GALNT13: variants seen among roughly 807,000 people sequenced by gnomAD.
GALNT13 encodes UDP-GalNAc:polypeptide N-acetylgalactosaminyltransferase 13.
A neutral mutation model predicts 64.2 loss-of-function variants in GALNT13; 28 were observed. The ratio of observed to expected loss-of-function variants is 0.44; its 90% CI spans 0.32 to 0.60. The LOEUF is 0.60. GALNT13 is among the 20% of genes least tolerant of loss of function. The pLI is 0.05. For missense variants in GALNT13, 577 were observed against 669.8 expected, an observed-to-expected ratio of 0.86 and a Z score of 1.53; for synonymous variants, 214 against 224.6, an observed-to-expected ratio of 0.95 and a Z score of 0.42.
intron 9 of GALNT13, among the ~76,000 whole-genome samples, chr2:154,362,722 A>T (rs1697145374): frequency 6.6e-6 from 1 of 152,206 alleles, no homozygotes; most frequent in African/African-American, 2.4e-5. Flanking sequence ...TAAGTTTTGC[A>T]TAACTGCTAT....
chr2:153,923,857 G>A (rs923720884), intron 2 of GALNT13, among the ~76,000 whole-genome samples: 1 of 151,752 alleles, frequency 6.6e-6, no homozygotes, highest in African/African-American at 2.4e-5. Context: ...ATGTCCCTAC[G>A]AAGGACATGA....
At chr2:153,313,681 G>A in the GALNT13 span, among the ~76,000 whole-genome samples, 6 of 152,060 alleles carry the variant, frequency 3.9e-5, no homozygotes, top group South Asian at 2.1e-4. Flanking sequence ...ACCTGCACAC[G>A]TACCTCTGAA....
chr2:153,077,650 C>G, the GALNT13 span, among the ~76,000 whole-genome samples: 2 of 151,676 alleles, frequency 1.3e-5, no homozygotes, highest in African/African-American at 4.8e-5. Context: ...CAGAAATGAC[C>G]CAAGTTAAGT....
At chr2:153,576,307 C>T in the GALNT13 span, among the ~76,000 whole-genome samples, 1 of 151,988 alleles carries the variant, frequency 6.6e-6, no homozygotes, top group Non-Finnish European at 1.5e-5. Context: ...AGTCTGCGGG[C>T]CCAGTTCAAC....
intron 9 of GALNT13, among the ~76,000 whole-genome samples, chr2:154,308,212 T>C (rs1693846172): frequency 6.6e-6 from 1 of 152,126 alleles, no homozygotes; most frequent in African/African-American, 2.4e-5. Context: ...GTATTCCAGT[T>C]AAACACAAAC....
the GALNT13 span, among the ~76,000 whole-genome samples, chr2:153,382,865 T>C: frequency 2.0e-5 from 3 of 152,094 alleles, no homozygotes; most frequent in African/African-American, 7.2e-5. Context: ...AATGGTCAGT[T>C]AAAAATCTGA....
At chr2:154,370,350 G>A (rs1369314200) in intron 9 of GALNT13, among the ~76,000 whole-genome samples, 1 of 152,090 alleles carries the variant, frequency 6.6e-6, no homozygotes, top group Non-Finnish European at 1.5e-5. Flanking sequence ...AATTACTCTG[G>A]TGGCTATGTG....
intron 4 of GALNT13, among the ~76,000 whole-genome samples, chr2:154,168,770 G>A (rs915033290): frequency 6.6e-6 from 1 of 152,044 alleles, no homozygotes; most frequent in Non-Finnish European, 1.5e-5. Flanking sequence ...TTGAACCCGG[G>A]AGGTGGAGGT....
intron 3 of GALNT13, among the ~76,000 whole-genome samples, chr2:154,127,707 CACGT>C (rs1181268537): frequency 5.4e-5 from 8 of 146,980 alleles, no homozygotes; most frequent in Non-Finnish European, 1.0e-4. Context: ...TCCACACACA[CACGT>C]GTGTGTGTGT....
chr2:153,985,917 AGTT>A (rs1473509482), intron 3 of GALNT13, among the ~76,000 whole-genome samples: 2 of 152,016 alleles, frequency 1.3e-5, no homozygotes, highest in African/African-American at 4.8e-5. Flanking sequence ...CCTTGGTGTA[AGTT>A]GTTACGTGAT....
At chr2:153,241,009 C>T in the GALNT13 span, among the ~76,000 whole-genome samples, 173 of 152,194 alleles carry the variant, frequency 1.1e-3, 2 homozygotes, top group East Asian at 0.028. Context: ...AGACAAAGAA[C>T]AGGAGAATAC....
the GALNT13 span, among the ~76,000 whole-genome samples, chr2:153,458,769 T>C: frequency 6.6e-6 from 1 of 152,216 alleles, no homozygotes; most frequent in Non-Finnish European, 1.5e-5. Flanking sequence ...GTTTATGTTA[T>C]TCCCCCTGTA....
At chr2:154,146,137 TA>T (rs1248770634) in intron 4 of GALNT13, among the ~76,000 whole-genome samples, 34 of 89,280 alleles carry the variant, frequency 3.8e-4, no homozygotes, top group African/African-American at 9.5e-4. Context: ...TGTGTGTGTG[TA>T]TATATATATA....
intron 11 of GALNT13, among the ~76,000 whole-genome samples, chr2:154,432,106 A>G (rs1410846639): frequency 1.3e-5 from 2 of 152,358 alleles, no homozygotes; most frequent in Non-Finnish European, 2.9e-5. Flanking sequence ...TTTGATTACA[A>G]TATAAATTCA....
chr2:153,123,112 A>G, the GALNT13 span, among the ~76,000 whole-genome samples: 3 of 152,112 alleles, frequency 2.0e-5, no homozygotes, highest in South Asian at 6.2e-4. Flanking sequence ...TGAATGCCAT[A>G]TGAAGATACA....
At chr2:154,396,438 T>TA (rs1357821565) in intron 10 of GALNT13, among the ~76,000 whole-genome samples, 10 of 152,202 alleles carry the variant, frequency 6.6e-5, no homozygotes, top group African/African-American at 2.4e-4. Context: ...CAACTGTTAT[T>TA]AATATTTACT....
At chr2:154,401,058 G>A (rs1373651495) in intron 10 of GALNT13, among the ~76,000 whole-genome samples, 2 of 152,136 alleles carry the variant, frequency 1.3e-5, no homozygotes, top group Non-Finnish European at 2.9e-5. Flanking sequence ...CTTTGAAGAT[G>A]TTTCGACATT....
At chr2:154,433,919 AT>A (rs1439727254) in intron 11 of GALNT13, among the ~76,000 whole-genome samples, 1 of 152,174 alleles carries the variant, frequency 6.6e-6, no homozygotes, top group Admixed American at 6.5e-5. Context: ...GAATGTAACC[AT>A]ATTAGAGATG....
chr2:154,259,762 A>C (rs1401817880), intron 8 of GALNT13, among the ~76,000 whole-genome samples: 1 of 152,230 alleles, frequency 6.6e-6, no homozygotes, highest in Admixed American at 6.5e-5. Flanking sequence ...AAATGAACAC[A>C]TAAGTTTTCT....
Sources: gnomAD v4.1 joint callset for allele counts (sites outside exome capture counted in the v4.1 genomes callset) on GRCh38, gnomAD v4.1.1 for gene constraint, MANE v1.5 for transcripts, NCBI Gene and HGNC (gene_info 2026-07-23, HGNC 2026-07-21) for gene names.